Variants in FIG4 observed in about 807,000 individuals in gnomAD.
FIG4 encodes the protein FIG4 phosphoinositide 5-phosphatase.
A neutral mutation model predicts 118.6 loss-of-function variants in FIG4; 112 were observed. The ratio of observed to expected loss-of-function variants is 0.94; its 90% CI spans 0.81 to 1.11. The LOEUF is 1.11. Among genes scored for constraint, FIG4 ranks in the 50% least tolerant of loss-of-function variants. The pLI is 0.00. For missense variants in FIG4, 969 were observed against 1,111.7 expected (o/e 0.87, Z 1.83); for synonymous variants, 369 against 381.2 (o/e 0.97, Z 0.37).
At chr6:109,762,527 A>G (rs1270408417) in intron 12 of FIG4, among the ~76,000 whole-genome samples, 7 of 151,230 alleles carry the variant, frequency 4.6e-5, no homozygotes, top group Admixed American at 6.6e-5. Context: ...TTTTTCTTAT[A>G]GATTACATAC....
chr6:109,809,656 A>G (rs1488823861), intron 22 of FIG4, among the ~76,000 whole-genome samples: 1 of 152,216 alleles, frequency 6.6e-6, no homozygotes, highest in African/African-American at 2.4e-5. Flanking sequence ...GCAGGATGAT[A>G]TCTGTGACTG....
intron 10 of FIG4, among the ~76,000 whole-genome samples, chr6:109,746,212 G>C (rs895869600): frequency 2.6e-5 from 4 of 152,148 alleles, no homozygotes; most frequent in East Asian, 3.9e-4. Context: ...CTGAAACTGG[G>C]TCCCTTCCTT....
At chr6:109,751,871 G>T (rs2128388854) in intron 10 of FIG4, among the ~76,000 whole-genome samples, 1 of 147,370 alleles carries the variant, frequency 6.8e-6, no homozygotes, top group Non-Finnish European at 1.5e-5. Context: ...AAGTTTTAGG[G>T]TACGTGTGCA....
rs1303336482 is a variant in FIG4, at chr6:109,732,618, TTTG to T, written c.447-16_447-14del. The T allele has an allele frequency of 1.0e-5, 12 of 1,147,680 alleles. No homozygotes were observed. In the African/African-American group the frequency reaches 2.8e-4, roughly 27 times the overall value. The allele number at this position is 1,147,680 out of a possible 1,614,324, so 71.1% of individuals were successfully genotyped here. A position where few individuals can be genotyped will look rare whatever the true frequency, so the allele number is the denominator to read the frequency against. On this transcript the variant is annotated splice_polypyrimidine_tract_variant and intron_variant, in intron 4 of 22. Transcript: ENST00000230124. ...ATAGTATTGGACAAATGAAATGTAC[TTTG>T]TTTTTTTTTTTTTAGGTATCTACGA...
chr6:109,774,626 T>G (rs957259529), intron 15 of FIG4, among the ~76,000 whole-genome samples: 5 of 152,204 alleles, frequency 3.3e-5, no homozygotes, highest in Admixed American at 3.3e-4. Flanking sequence ...TTTTGAAATG[T>G]ATTTGCCAAC....
intron 11 of FIG4, among the ~76,000 whole-genome samples, chr6:109,760,658 A>G (rs1777077745): frequency 6.6e-6 from 1 of 152,142 alleles, no homozygotes; most frequent in Non-Finnish European, 1.5e-5. Context: ...TTTTTTCTAT[A>G]TCATTCTGTC....
At chr6:109,728,481 T>G (rs955560948) in intron 4 of FIG4, among the ~76,000 whole-genome samples, 2 of 152,168 alleles carry the variant, frequency 1.3e-5, no homozygotes, top group African/African-American at 4.8e-5. Flanking sequence ...ATTTATAAGT[T>G]TTTAGGATAG....
At chr6:109,717,291 C>T (rs1775463743) in intron 3 of FIG4, among the ~76,000 whole-genome samples, 1 of 152,182 alleles carries the variant, frequency 6.6e-6, no homozygotes, top group African/African-American at 2.4e-5. Context: ...TGATATTGAT[C>T]TCTTTAAATA....
chr6:109,737,841 C>T (rs1379684755), intron 6 of FIG4, among the ~76,000 whole-genome samples: 1 of 152,090 alleles, frequency 6.6e-6, no homozygotes, highest in African/African-American at 2.4e-5. Flanking sequence ...TCATTTCGTC[C>T]TTAAAACAAC....
chr6:109,793,782 A>G (rs926880843), intron 21 of FIG4, among the ~76,000 whole-genome samples: 1 of 152,230 alleles, frequency 6.6e-6, no homozygotes, highest in Non-Finnish European at 1.5e-5. Context: ...ATAATATATA[A>G]AATATAAAAT....
At chr6:109,799,610 C>A (rs1778376391) in intron 22 of FIG4, among the ~76,000 whole-genome samples, 1 of 152,196 alleles carries the variant, frequency 6.6e-6, no homozygotes, top group South Asian at 2.1e-4. Flanking sequence ...AGTTCATAAT[C>A]TTACTCAGTT....
chr6:109,781,366 T>C lies in FIG4; in HGVS notation c.1890-3604T>C, dbSNP rs145020839. ...CAGCTGTTCCTCATATGCTGTGGTT[T>C]CAAGGCCCTCCAGCATTCGGAACAA... is the stretch of plus-strand genomic sequence containing the variant. On this transcript the variant is annotated intron_variant, in intron 16 of 22. Transcript: ENST00000230124. Among the ~76,000 whole-genome samples, 94 of 152,324 alleles carry C rather than the reference T, an allele frequency of 6.2e-4. 1 individual carries two copies. The East Asian group carries it at 0.013, about 20-fold the overall frequency.
chr6:109,691,512 C>G lies in FIG4; in HGVS notation c.66+11C>G, dbSNP rs996996501. The G allele has an allele frequency of 1.3e-6, 2 of 1,569,728 alleles. No individual in the cohort carries two copies. Among genetic ancestry groups the G allele is most frequent in the East Asian group, 2.3e-5 (1 of 42,556 alleles). ...TATGAGACTAGAGCTGTGAGTACCC[C>G]CTCGCGGCGGGGCGCAGGCGGGAGG... is the stretch of plus-strand genomic sequence containing the variant. On this transcript the variant is annotated intron_variant, in intron 1 of 22. Coordinates refer to ENST00000230124, the MANE Select transcript of FIG4 (RefSeq NM_014845.6).
At chr6:109,747,098 A>G (rs1692951559) in intron 10 of FIG4, among the ~76,000 whole-genome samples, 3 of 152,096 alleles carry the variant, frequency 2.0e-5, no homozygotes, top group Admixed American at 2.0e-4. Flanking sequence ...CGTCCTCTAC[A>G]CTTGTTCTTA....
intron 22 of FIG4, among the ~76,000 whole-genome samples, chr6:109,822,827 A>C (rs1014878496): frequency 5.7e-5 from 7 of 123,456 alleles, no homozygotes; most frequent in South Asian, 2.6e-4. Context: ...ATATATATAT[A>C]TCGCTTTCTT....
chr6:109,805,805 A>G (rs1583760415), intron 22 of FIG4, among the ~76,000 whole-genome samples: 1 of 152,290 alleles, frequency 6.6e-6, no homozygotes, highest in South Asian at 2.1e-4. Flanking sequence ...TTACAATAAA[A>G]CTTTTAGGTT....
chr6:109,825,323 C>G lies in FIG4; in HGVS notation c.*58C>G, dbSNP rs1195068013. ...GATTAGCTTAGAACCTGTCTTGTCT[C>G]ATCTTCAAAAGGTAACTTATTAAAA... is the stretch of plus-strand genomic sequence containing the variant. On this transcript the variant is annotated 3_prime_UTR_variant, in exon 23 of 23. Transcript: ENST00000230124. The G allele has an allele frequency of 6.6e-7, 1 of 1,511,902 alleles. No individual in the cohort carries two copies. The highest frequency in any genetic ancestry group is 1.1e-5 in the South Asian group (1 of 88,720). The allele number at this position is 1,511,902 out of a possible 1,614,324, so 93.7% of individuals were successfully genotyped here. A position where few individuals can be genotyped will look rare whatever the true frequency, so the allele number is the denominator to read the frequency against.
chr6:109,740,652 G>C (rs116181605), intron 7 of FIG4, among the ~76,000 whole-genome samples: 2,230 of 152,228 alleles, frequency 0.015, 58 homozygotes, highest in African/African-American at 0.051. Context: ...CTTATACTCA[G>C]TTTGTCACCT....
At chr6:109,777,637 A>G (rs1026024790) in intron 16 of FIG4, among the ~76,000 whole-genome samples, 1 of 152,244 alleles carries the variant, frequency 6.6e-6, no homozygotes, top group Admixed American at 6.5e-5. Context: ...GACACTGGGA[A>G]GACGGGAAGC....
Sources: gnomAD v4.1 joint callset for allele counts (sites outside exome capture counted in the v4.1 genomes callset) on GRCh38, gnomAD v4.1.1 for gene constraint, MANE v1.5 for transcripts, NCBI Gene and HGNC (gene_info 2026-07-23, HGNC 2026-07-21) for gene names.